TMEM74: variants seen among roughly 807,000 people sequenced by gnomAD.
The protein encoded by TMEM74 is transmembrane protein 74.
A neutral mutation model predicts 18.1 loss-of-function variants in TMEM74; 13 were observed. That is an observed-to-expected ratio of 0.72 (90% CI 0.47 to 1.14). The LOEUF (loss-of-function observed/expected upper bound fraction) is 1.14. Ranked by LOEUF, TMEM74 falls within the 50% of genes most tolerant of loss-of-function variation. The pLI, the probability that TMEM74 is intolerant of heterozygous loss-of-function variation, is 0.00. For missense variants in TMEM74, 372 were observed against 375.9 expected (o/e 0.99, Z 0.09); for synonymous variants, 159 against 146.6 (o/e 1.08, Z -0.61).
In TMEM74 at chr8:108,785,131, G is replaced by A. The variant is rs771732968; in HGVS notation, c.-33C>T. 6.5e-6 allele frequency: 10 copies of A among 1,541,084 alleles called. No individual in the cohort carries two copies. Among genetic ancestry groups the A allele is most frequent in the African/African-American group, 1.4e-5 (1 of 72,322 alleles). ...AGTCAGACATCCCCCAGCAGCTTCCGGAAAGTCTGCCAATAGCAACAGAGT... is the reference window on the plus strand; with the variant it reads ...AGTCAGACATCCCCCAGCAGCTTCCAGAAAGTCTGCCAATAGCAACAGAGT... On this transcript the variant is annotated 5_prime_UTR_variant, in exon 2 of 2. Transcript: ENST00000297459.
intron 2 of TMEM74, among the ~76,000 whole-genome samples, chr8:108,626,027 G>C (rs1812489691): frequency 6.6e-6 from 1 of 151,922 alleles, no homozygotes; most frequent in Non-Finnish European, 1.5e-5. Context: ...GGTTTACTGA[G>C]AGCCAGAATT....
At chr8:108,777,130 T>C (rs184585715), downstream of TMEM74, among the ~76,000 whole-genome samples, 40 of 152,334 alleles carry the variant, frequency 2.6e-4, no homozygotes, top group East Asian at 1.9e-3. Flanking sequence ...ATTTTACAGA[T>C]GGAGAAACTT....
At chr8:108,735,457 T>C (rs1197375007) in intron 1 of TMEM74, among the ~76,000 whole-genome samples, 1 of 152,204 alleles carries the variant, frequency 6.6e-6, no homozygotes, top group African/African-American at 2.4e-5. Context: ...GTAGAATCAT[T>C]TAGTATACAG....
intron 1 of TMEM74, among the ~76,000 whole-genome samples, chr8:108,712,537 A>G (rs1310135975): frequency 6.6e-6 from 1 of 152,098 alleles, no homozygotes; most frequent in African/African-American, 2.4e-5. Flanking sequence ...TCCTCCTCAT[A>G]CTGCTCGAGC....
chr8:108,764,236 C>G (rs1563545752), intron 1 of TMEM74, among the ~76,000 whole-genome samples: 4 of 152,112 alleles, frequency 2.6e-5, no homozygotes, highest in Admixed American at 6.5e-5. Flanking sequence ...AGAAGAAAGA[C>G]TAAGTTAACA....
intron 1 of TMEM74, among the ~76,000 whole-genome samples, chr8:108,772,725 C>A (rs1157047660): frequency 6.6e-6 from 1 of 151,724 alleles, no homozygotes; most frequent in East Asian, 1.9e-4. Context: ...GGTGGGAAGG[C>A]TCAGCTACAC....
chr8:108,614,573 T>G (rs1174525630), intron 2 of TMEM74, among the ~76,000 whole-genome samples: 16 of 152,204 alleles, frequency 1.1e-4, no homozygotes, highest in Non-Finnish European at 2.2e-4. Flanking sequence ...ATCAAACTTA[T>G]GTAACATGTG....
At chr8:108,657,311 C>G (rs1001241145) in intron 1 of TMEM74, among the ~76,000 whole-genome samples, 7 of 152,072 alleles carry the variant, frequency 4.6e-5, no homozygotes, top group Admixed American at 3.9e-4. Context: ...ACCTGGTCCT[C>G]ATCCCTGAGA....
At chr8:108,711,298 T>C (rs1432032228) in intron 1 of TMEM74, among the ~76,000 whole-genome samples, 2 of 152,202 alleles carry the variant, frequency 1.3e-5, no homozygotes, top group African/African-American at 2.4e-5. Flanking sequence ...CCATGCATTG[T>C]GAATTAAAAG....
At chr8:108,608,321 A>C (rs1350424492) in intron 3 of TMEM74, among the ~76,000 whole-genome samples, 2 of 151,208 alleles carry the variant, frequency 1.3e-5, no homozygotes, top group African/African-American at 4.9e-5. Flanking sequence ...AAAAGAAAAA[A>C]AGAAAAAAAA....
intron 1 of TMEM74, among the ~76,000 whole-genome samples, chr8:108,699,685 G>T (rs1300650623): frequency 4.6e-5 from 7 of 152,176 alleles, no homozygotes; most frequent in African/African-American, 1.7e-4. Flanking sequence ...CTTCTGCTTT[G>T]CTGTACAATG....
intron 2 of TMEM74, among the ~76,000 whole-genome samples, chr8:108,638,281 A>C (rs1812627049): frequency 6.6e-6 from 1 of 151,630 alleles, no homozygotes; most frequent in Admixed American, 6.6e-5. Context: ...AAATTTGTAC[A>C]TACTTTTCCA....
intron 1 of TMEM74, among the ~76,000 whole-genome samples, chr8:108,714,094 C>T (rs1813499565): frequency 6.6e-6 from 1 of 152,182 alleles, no homozygotes; most frequent in African/African-American, 2.4e-5. Context: ...TTCTTTCCTA[C>T]CTGGTCCCCT....
chr8:108,773,207 C>T (rs1586293155), intron 1 of TMEM74, among the ~76,000 whole-genome samples: 1 of 152,018 alleles, frequency 6.6e-6, no homozygotes, highest in East Asian at 1.9e-4. Flanking sequence ...CACTGGAGCA[C>T]ACACCCACAG....
chr8:108,742,899 A>G (rs1447760370), intron 1 of TMEM74, among the ~76,000 whole-genome samples: 6 of 152,224 alleles, frequency 3.9e-5, no homozygotes, highest in Admixed American at 3.9e-4. Flanking sequence ...ATGAGTTACT[A>G]TTATTAATGA....
Position 108,784,641 on chromosome 8 carries a change from AT to A in TMEM74, c.457del (p.Ile153TyrfsTer3), listed in dbSNP as rs1475639098. The A allele has an allele frequency of 6.2e-7, 1 of 1,614,104 alleles. No individual in the cohort carries two copies. Among genetic ancestry groups the A allele is most frequent in the Non-Finnish European group, 8.5e-7 (1 of 1,180,048 alleles). ...ATCCTCCTCTTCAGATATCAAAGAT[AT>A]GGCAGCCTCTTGGGACCACTCATTT... is the stretch of plus-strand genomic sequence containing the variant. ...NPNEWSQEAA[I>X]SLISEEEDDT... On this transcript the variant is annotated frameshift_variant, in exon 2 of 2. Coordinates refer to ENST00000297459, the MANE Select transcript of TMEM74 (RefSeq NM_153015.3). LOFTEE classifies it high-confidence loss of function.
At chr8:108,785,916 T>C (rs1814378868) in intron 1 of TMEM74, among the ~76,000 whole-genome samples, 1 of 152,140 alleles carries the variant, frequency 6.6e-6, no homozygotes, top group Non-Finnish European at 1.5e-5. Flanking sequence ...CAACAGACCT[T>C]ACGGCAATCC....
intron 1 of TMEM74, among the ~76,000 whole-genome samples, chr8:108,742,798 C>T (rs906920284): frequency 1.3e-5 from 2 of 152,112 alleles, no homozygotes; most frequent in Admixed American, 6.6e-5. Context: ...AAAACAGACA[C>T]AACAAGCCTT....
intron 2 of TMEM74, among the ~76,000 whole-genome samples, chr8:108,620,330 T>G (rs2130542149): frequency 6.6e-6 from 1 of 152,256 alleles, no homozygotes; most frequent in East Asian, 1.9e-4. Context: ...ATACAACAGA[T>G]CAGCAGATAT....
Sources: allele counts gnomAD v4.1 joint callset (sites outside exome capture counted in the v4.1 genomes callset), GRCh38; gene constraint gnomAD v4.1.1; transcripts MANE v1.5; gene names NCBI Gene and HGNC (gene_info 2026-07-23, HGNC 2026-07-21).